The following C9orf85 variants were observed in gnomAD, a reference collection of about 807,000 sequenced individuals.
C9orf85 encodes the protein chromosome 9 open reading frame 85.
A neutral mutation model predicts 14.9 loss-of-function variants in C9orf85; 16 were observed. The observed-to-expected ratio is 1.08, with a 90% CI of 0.73 to 1.63. C9orf85 has a LOEUF of 1.63. Ranked by LOEUF, C9orf85 falls within the 40% of genes most tolerant of loss-of-function variation. The probability of loss-of-function intolerance (pLI) is 0.00; values close to 1 mark genes in which losing one functional copy is unlikely to be tolerated. For missense variants in C9orf85, 172 were observed against 186.1 expected, an observed-to-expected ratio of 0.92 and a Z score of 0.44; for synonymous variants, 45 against 56.8, an observed-to-expected ratio of 0.79 and a Z score of 0.93.
intron 1 of C9orf85, among the ~76,000 whole-genome samples, chr9:71,935,632 CAA>C (rs34000576): frequency 1.5e-4 from 19 of 126,138 alleles, no homozygotes; most frequent in Admixed American, 2.4e-4. Flanking sequence ...CCCCCCGACC[CAA>C]AAAAAAAAAA....
At chr9:71,963,560 C>G (rs1822586562) in intron 2 of C9orf85, among the ~76,000 whole-genome samples, 2 of 152,198 alleles carry the variant, frequency 1.3e-5, no homozygotes, top group South Asian at 4.1e-4. Context: ...GAGCGGGAAC[C>G]CGGGCTGCGC....
intron 1 of C9orf85, among the ~76,000 whole-genome samples, chr9:71,929,827 C>T (rs1828027573): frequency 8.1e-6 from 1 of 123,986 alleles, no homozygotes; most frequent in African/African-American, 3.0e-5. Flanking sequence ...GCTATAGGAA[C>T]ACATGTTCCA....
At chr9:71,946,097 T>C (rs1564091438) in intron 1 of C9orf85, among the ~76,000 whole-genome samples, 5 of 152,224 alleles carry the variant, frequency 3.3e-5, no homozygotes, top group South Asian at 4.1e-4. Flanking sequence ...ACTACAGATA[T>C]TTACATACAA....
chr9:71,971,518 CA>C lies in C9orf85; in HGVS notation c.227del (p.Lys76ArgfsTer3). The C allele has an allele frequency of 6.3e-7, 1 of 1,585,640 alleles. No individual in the cohort carries two copies. The highest frequency in any genetic ancestry group is 8.6e-7 in the Non-Finnish European group (1 of 1,164,918). On this transcript the variant is annotated frameshift_variant, in exon 3 of 4. Transcript: ENST00000334731. LOFTEE classifies it high-confidence loss of function. ...TTTTTATTTTAGTGTTAAATGTTTA[CA>C]AAAGACAGTGAAGGATTCTTATCAC... ...SKPKKCVKCL[Q>X]KTVKDSYHIM... is the part of the protein sequence containing the mutation.
chr9:71,964,894 C>T (rs905491115), intron 2 of C9orf85, among the ~76,000 whole-genome samples: 20 of 152,102 alleles, frequency 1.3e-4, no homozygotes, highest in Non-Finnish European at 1.8e-4. Flanking sequence ...TCAGTTAGGA[C>T]GAACCCGGGC....
At chr9:71,929,542 C>T (rs556857208) in intron 1 of C9orf85, among the ~76,000 whole-genome samples, 3 of 152,248 alleles carry the variant, frequency 2.0e-5, no homozygotes, top group African/African-American at 7.2e-5. Flanking sequence ...CTGGGAACAG[C>T]ATCATAGAAA....
At chr9:71,920,153 G>C (rs1403360233) in intron 1 of C9orf85, among the ~76,000 whole-genome samples, 1 of 151,990 alleles carries the variant, frequency 6.6e-6, no homozygotes, top group Non-Finnish European at 1.5e-5. Context: ...CCAGCCTAAA[G>C]CATGTTTCTT....
At chr9:71,922,221 G>A (rs934781562) in intron 1 of C9orf85, among the ~76,000 whole-genome samples, 16 of 152,098 alleles carry the variant, frequency 1.1e-4, no homozygotes, top group African/African-American at 3.4e-4. Context: ...TTACAGGCAT[G>A]AGCCACCGTG....
intron 1 of C9orf85, among the ~76,000 whole-genome samples, chr9:71,925,063 A>C (rs1827898577): frequency 6.6e-6 from 1 of 152,070 alleles, no homozygotes; most frequent in South Asian, 2.1e-4. Context: ...TAGTATATTA[A>C]AAAAAAATTC....
chr9:71,944,753 C>T (rs1822038338), intron 1 of C9orf85, among the ~76,000 whole-genome samples: 1 of 152,128 alleles, frequency 6.6e-6, no homozygotes, highest in Non-Finnish European at 1.5e-5. Flanking sequence ...CTTTCTTCTG[C>T]ACCTATTTTT....
At chr9:71,922,822 G>A (rs980329284) in intron 1 of C9orf85, among the ~76,000 whole-genome samples, 2 of 152,174 alleles carry the variant, frequency 1.3e-5, no homozygotes, top group Admixed American at 1.3e-4. Flanking sequence ...GGTAACTGCT[G>A]TACTTACAAA....
At chr9:71,915,268 C>T (rs1446291050) in intron 1 of C9orf85, among the ~76,000 whole-genome samples, 2 of 151,584 alleles carry the variant, frequency 1.3e-5, no homozygotes, top group Non-Finnish European at 1.5e-5. Flanking sequence ...ACAACCTCCA[C>T]CTCCTGGGTT....
intron 2 of C9orf85, among the ~76,000 whole-genome samples, chr9:71,955,247 C>G (rs1822355597): frequency 6.6e-6 from 1 of 152,058 alleles, no homozygotes; most frequent in South Asian, 2.1e-4. Context: ...AGTAAGCACT[C>G]AAGGAAACCA....
At position 71,971,628 on chromosome 9, in the gene C9orf85, T is replaced by G; in HGVS notation, c.323+10T>G. On this transcript the variant is annotated intron_variant, in intron 3 of 3. Transcript: ENST00000334731. ...AAGACATTGTTATTCCGTGAGTGTT[T>G]CCTTTTATGTTTGAATTTTACTCTT... 6.5e-7 allele frequency: 1 copy of G among 1,542,230 alleles called. No homozygotes were observed. Among genetic ancestry groups the G allele is most frequent in the Non-Finnish European group, 8.9e-7 (1 of 1,118,406 alleles).
chr9:71,946,983 TTGTC>T lies in C9orf85; in HGVS notation c.103-21_103-18del, dbSNP rs757943351. The T allele has an allele frequency of 1.9e-6, 3 of 1,553,314 alleles. No individual in the cohort carries two copies. Among genetic ancestry groups the T allele is most frequent in the Non-Finnish European group, 1.8e-6 (2 of 1,128,978 alleles). ...CTGGCTCACGCGTGAAATTCTCAAT[TTGTC>T]TTTCTGTTTGTTTTTAAGAAAATTA... On this transcript the variant is annotated intron_variant, in intron 1 of 3. Transcript: ENST00000334731.
At chr9:71,951,126 C>T (rs965931770) in intron 2 of C9orf85, among the ~76,000 whole-genome samples, 3 of 152,160 alleles carry the variant, frequency 2.0e-5, no homozygotes, top group African/African-American at 7.2e-5. Context: ...AGTGAGGTGA[C>T]ATGCTGCAGT....
At chr9:71,949,900 G>A (rs1352006878) in intron 2 of C9orf85, among the ~76,000 whole-genome samples, 5 of 152,102 alleles carry the variant, frequency 3.3e-5, no homozygotes, top group Non-Finnish European at 7.4e-5. Flanking sequence ...TCATATAAGG[G>A]TCTTATGGCC....
At chr9:71,945,628 T>G (rs1822066179) in intron 1 of C9orf85, among the ~76,000 whole-genome samples, 1 of 152,244 alleles carries the variant, frequency 6.6e-6, no homozygotes, top group Non-Finnish European at 1.5e-5. Context: ...TGAATAAATG[T>G]TTTATCAAAT....
intron 1 of C9orf85, among the ~76,000 whole-genome samples, chr9:71,930,148 T>G (rs1050992246): frequency 2.0e-5 from 3 of 152,086 alleles, no homozygotes; most frequent in African/African-American, 7.2e-5. Context: ...TAATAAACTT[T>G]GTAGATAAAT....
Sources: gnomAD v4.1 joint callset for allele counts (sites outside exome capture counted in the v4.1 genomes callset) on GRCh38, gnomAD v4.1.1 for gene constraint, MANE v1.5 for transcripts, NCBI Gene and HGNC (gene_info 2026-07-23, HGNC 2026-07-21) for gene names.